The following RGS6 variants were observed in gnomAD, a reference collection of about 807,000 sequenced individuals.
The protein encoded by RGS6 is regulator of G-protein signaling 6.
RGS6 carries 30 observed loss-of-function variants against 78.5 expected under a neutral mutation model. The ratio of observed to expected loss-of-function variants is 0.38; its 90% CI spans 0.29 to 0.52. The LOEUF (loss-of-function observed/expected upper bound fraction) is 0.52. RGS6 is among the 20% of genes least tolerant of loss of function. The pLI is 0.85. For missense variants in RGS6, 495 were observed against 609.7 expected, an observed-to-expected ratio of 0.81 and a Z score of 1.98; for synonymous variants, 206 against 206.0, an observed-to-expected ratio of 1.00 and a Z score of 0.00.
At chr14:71,974,995 TA>T (rs199872627) in intron 2 of RGS6, among the ~76,000 whole-genome samples, 1 of 151,400 alleles carries the variant, frequency 6.6e-6, no homozygotes, top group Non-Finnish European at 1.5e-5. Context: ...AGAAATAAAA[TA>T]AAAAAAAATT....
chr14:72,352,683 T>C lies in RGS6; in HGVS notation c.184+489T>C, dbSNP rs144934630. Among the ~76,000 whole-genome samples the C allele has an allele frequency of 2.7e-4, 41 of 152,310 alleles. 1 individual carries two copies. In the East Asian group the frequency reaches 6.2e-3, roughly 23 times the overall value. On this transcript the variant is annotated intron_variant, in intron 3 of 17. Coordinates refer to ENST00000553525, the MANE Select transcript of RGS6 (RefSeq NM_001204424.2). ...ATCTTTCTTTTAAAATATTTTATTG[T>C]GAAATATATTAAAACACATGGGTAG...
chr14:71,995,105 C>T (rs2095139703), intron 2 of RGS6, among the ~76,000 whole-genome samples: 1 of 152,196 alleles, frequency 6.6e-6, no homozygotes, highest in Non-Finnish European at 1.5e-5. Flanking sequence ...ACCAGCAACT[C>T]AGCATGTCAA....
At chr14:71,934,203 G>T (rs575995772) in intron 1 of RGS6, among the ~76,000 whole-genome samples, 3 of 152,222 alleles carry the variant, frequency 2.0e-5, no homozygotes, top group South Asian at 2.1e-4. Context: ...GCCAAATCTC[G>T]CATGCTATAG....
intron 2 of RGS6, among the ~76,000 whole-genome samples, chr14:72,081,016 A>G (rs905821274): frequency 5.9e-5 from 9 of 152,094 alleles, no homozygotes; most frequent in South Asian, 2.1e-4. Flanking sequence ...TTGTGGTTCC[A>G]TATGAATTTT....
chr14:72,226,773 G>A (rs2153802692), intron 2 of RGS6, among the ~76,000 whole-genome samples: 1 of 152,308 alleles, frequency 6.6e-6, no homozygotes, highest in East Asian at 1.9e-4. Flanking sequence ...CGCAATCTTG[G>A]CTCACTGCAA....
In RGS6 at chr14:72,288,799, G is replaced by A. The variant is rs144919859; in HGVS notation, c.85-63296G>A. Reference sequence around the variant, plus strand: ...GCTGTCCCCTTGAAGGAGGTGCGTTGGCATGATCTTGTCATGAATTTCTCA... The same window carrying A: ...GCTGTCCCCTTGAAGGAGGTGCGTTAGCATGATCTTGTCATGAATTTCTCA... On this transcript the variant is annotated intron_variant, in intron 2 of 17. Coordinates refer to ENST00000553525, the MANE Select transcript of RGS6 (RefSeq NM_001204424.2). Among the ~76,000 whole-genome samples the A allele has an allele frequency of 4.0e-3, 608 of 152,208 alleles. 5 individuals are homozygous for A. Among genetic ancestry groups the A allele is most frequent in the African/African-American group, 0.014 (588 of 41,500 alleles).
At chr14:72,233,255 T>C (rs1567536445) in intron 2 of RGS6, among the ~76,000 whole-genome samples, 1 of 152,182 alleles carries the variant, frequency 6.6e-6, no homozygotes, top group Admixed American at 6.5e-5. Flanking sequence ...ATCTAAGCAA[T>C]GAAGTGGACA....
intron 10 of RGS6, among the ~76,000 whole-genome samples, chr14:72,475,425 C>T (rs949965915): frequency 3.9e-5 from 6 of 151,904 alleles, no homozygotes; most frequent in African/African-American, 4.8e-5. Flanking sequence ...GACCAGACTC[C>T]GTAATATTAA....
At position 72,179,398 on chromosome 14, in the gene RGS6, T is replaced by G. The variant is rs531735973; in HGVS notation, c.85-172697T>G. ...CCTGAGCTGGCAAGCACCGCTCAGT[T>G]TATAATAGTGCCTGGCACATGGTAG... On this transcript the variant is annotated intron_variant, in intron 2 of 17. Transcript: ENST00000553525. Among the ~76,000 whole-genome samples, 3 of 152,266 alleles carry G rather than the reference T, an allele frequency of 2.0e-5. No individual in the cohort carries two copies. In the East Asian group the frequency reaches 5.8e-4, roughly 30 times the overall value.
intron 2 of RGS6, among the ~76,000 whole-genome samples, chr14:72,184,411 C>CACACACACAG: frequency 1.4e-5 from 2 of 146,932 alleles, no homozygotes; most frequent in African/African-American, 2.5e-5. Flanking sequence ...CACACACACA[C>CACACACACAG]AGAAAGAGGG....
chr14:72,154,588 C>T (rs551400386), intron 2 of RGS6, among the ~76,000 whole-genome samples: 9 of 152,144 alleles, frequency 5.9e-5, no homozygotes, highest in Non-Finnish European at 1.3e-4. Context: ...GTTTGATCTC[C>T]CTGCATGGTG....
chr14:72,235,119 G>A (rs1031304658), intron 2 of RGS6, among the ~76,000 whole-genome samples: 6 of 152,176 alleles, frequency 3.9e-5, no homozygotes, highest in African/African-American at 1.2e-4. Flanking sequence ...GGGACAGCAG[G>A]TCTTTGCCAT....
intron 2 of RGS6, among the ~76,000 whole-genome samples, chr14:72,141,264 C>T (rs963408315): frequency 6.6e-6 from 1 of 152,088 alleles, no homozygotes; most frequent in Admixed American, 6.6e-5. Flanking sequence ...TCTTTAGTGC[C>T]CCAATCCCCA....
the RGS6 span, among the ~76,000 whole-genome samples, chr14:72,595,763 G>C: frequency 6.6e-6 from 1 of 152,242 alleles, no homozygotes; most frequent in Non-Finnish European, 1.5e-5. Context: ...GCATGGTGTT[G>C]AGAGAGCCTG....
At chr14:72,037,280 C>T (rs1470740471) in intron 2 of RGS6, among the ~76,000 whole-genome samples, 1 of 152,206 alleles carries the variant, frequency 6.6e-6, no homozygotes, top group Non-Finnish European at 1.5e-5. Context: ...CTTCCATCCA[C>T]ACTGTGGAAG....
chr14:72,545,889 C>G (rs1270116707), intron 17 of RGS6, among the ~76,000 whole-genome samples: 1 of 149,382 alleles, frequency 6.7e-6, no homozygotes, highest in Non-Finnish European at 1.5e-5. Flanking sequence ...AGTCCCCACC[C>G]TTCCGGTCTG....
chr14:71,955,179 C>A (rs1413970439), intron 1 of RGS6, among the ~76,000 whole-genome samples: 1 of 152,182 alleles, frequency 6.6e-6, no homozygotes, highest in African/African-American at 2.4e-5. Context: ...AACTACTATT[C>A]CTCAGGGACG....
chr14:72,076,627 C>G (rs1597170847), intron 2 of RGS6, among the ~76,000 whole-genome samples: 1 of 152,246 alleles, frequency 6.6e-6, no homozygotes, highest in East Asian at 1.9e-4. Context: ...CTCCTGGGCT[C>G]AAGCAATCCT....
chr14:71,891,435 C>T, the RGS6 span, among the ~76,000 whole-genome samples: 1 of 152,186 alleles, frequency 6.6e-6, no homozygotes, highest in Admixed American at 6.5e-5. Flanking sequence ...AGGGCACCTA[C>T]ACTTGGCCTC....
Sources: gnomAD v4.1 joint callset for allele counts (sites outside exome capture counted in the v4.1 genomes callset) on GRCh38, gnomAD v4.1.1 for gene constraint, MANE v1.5 for transcripts, NCBI Gene and HGNC (gene_info 2026-07-23, HGNC 2026-07-21) for gene names.